ABCC4: variants seen among roughly 807,000 people sequenced by gnomAD.
ABCC4 encodes ATP binding cassette subfamily C member 4 (PEL blood group), also known as ATP-binding cassette sub-family C member 4.
ABCC4 carries 102 observed loss-of-function variants against 168.5 expected under a neutral mutation model. The ratio of observed to expected loss-of-function variants is 0.61; its 90% CI spans 0.52 to 0.71. The LOEUF is 0.71. ABCC4 is among the 30% of genes least tolerant of loss of function. ABCC4 has a pLI of 0.00. For synonymous variants in ABCC4, 617 were observed against 590.7 expected, an observed-to-expected ratio of 1.04 and a Z score of -0.65; for missense variants, 1,402 against 1,605.8, an observed-to-expected ratio of 0.87 and a Z score of 2.17.
intron 30 of ABCC4, 136 bp downstream of exon 30, chr13:95,034,469 C>T: frequency 1.6e-6 from 2 of 1,289,778 alleles, no homozygotes; most frequent in South Asian, 1.6e-5. Flanking sequence ...CGTTAAGACC[C>T]ACTCATGAAG....
chr13:95,114,110 C>T (rs2035292257), intron 20 of ABCC4, among the ~76,000 whole-genome samples: 1 of 152,116 alleles, frequency 6.6e-6, no homozygotes, highest in Non-Finnish European at 1.5e-5. Flanking sequence ...AAGAAATCAG[C>T]TAATTGGGGC....
At chr13:95,158,464 A>T (rs940106810) in intron 19 of ABCC4, among the ~76,000 whole-genome samples, 2 of 152,134 alleles carry the variant, frequency 1.3e-5, no homozygotes, top group Non-Finnish European at 2.9e-5. Flanking sequence ...GCCAGTCACC[A>T]TCCCAAGGTG....
chr13:95,114,281 C>T (rs577952238), intron 20 of ABCC4, among the ~76,000 whole-genome samples: 2 of 152,208 alleles, frequency 1.3e-5, no homozygotes, highest in Non-Finnish European at 2.9e-5. Context: ...ATCCATCCCT[C>T]TCCCTCCATA....
chr13:95,166,209 A>G lies in ABCC4; in HGVS notation c.1983T>C (p.Ser661=). The G allele has an allele frequency of 1.2e-6, 2 of 1,614,164 alleles. No homozygotes were observed. Among genetic ancestry groups the G allele is most frequent in the Non-Finnish European group, 1.7e-6 (2 of 1,180,026 alleles). ...NRTFSESSVW[S]QQSSRPSLKD... ...TCAAGGAGGGTCTAGAAGATTGTTG[A>G]GACCAAACCGAAGACTCTGAGAAGG... The change falls in exon 15 of 31, where the codon TCT becomes TCC. Residue 661 remains serine, a synonymous_variant. Transcript: ENST00000645237.
chr13:95,158,422 G>C (rs2036951222), intron 19 of ABCC4, among the ~76,000 whole-genome samples: 1 of 152,164 alleles, frequency 6.6e-6, no homozygotes, highest in Admixed American at 6.5e-5. Flanking sequence ...CGTCTAGCCA[G>C]ACCCCCGGTG....
Position 95,252,484 on chromosome 13 carries a change from T to C in ABCC4, c.75-4731A>G, listed in dbSNP as rs1258173587. On this transcript the variant is annotated intron_variant, in intron 1 of 30. Coordinates refer to ENST00000645237, the MANE Select transcript of ABCC4 (RefSeq NM_005845.5). ...TGAGGTCAGCAGTTCAAAACCAGAC[T>C]GGCCAGCATGGTGAAAACCCATCTC... 5.3e-5 allele frequency among the ~76,000 whole-genome samples: 8 copies of C among 152,116 alleles called. No homozygotes were observed. In the South Asian group the frequency reaches 1.0e-3, roughly 20 times the overall value.
At chr13:95,079,911 G>A (rs539362974) in intron 21 of ABCC4, among the ~76,000 whole-genome samples, 3 of 152,282 alleles carry the variant, frequency 2.0e-5, no homozygotes, top group Non-Finnish European at 4.4e-5. Context: ...TGGTAGACTT[G>A]GGCATGGACT....
intron 30 of ABCC4, 82 bp downstream of exon 30, chr13:95,034,523 T>C: frequency 6.6e-7 from 1 of 1,521,068 alleles, no homozygotes. Flanking sequence ...ACACAGTGCT[T>C]GTTACCATAC....
intron 3 of ABCC4, among the ~76,000 whole-genome samples, chr13:95,238,428 T>C (rs1291710067): frequency 6.6e-6 from 1 of 152,044 alleles, no homozygotes; most frequent in Non-Finnish European, 1.5e-5. Flanking sequence ...TTAGGGCCAA[T>C]TGATCAGGGT....
intron 1 of ABCC4, among the ~76,000 whole-genome samples, chr13:95,276,506 CA>C (rs58632827): frequency 0.011 from 1,359 of 127,872 alleles, 20 homozygotes; most frequent in African/African-American, 0.036. Context: ...GACCCTGCCT[CA>C]AAAAAAAAAA....
At chr13:95,169,468 C>A (rs1566486342) in intron 14 of ABCC4, among the ~76,000 whole-genome samples, 1 of 152,118 alleles carries the variant, frequency 6.6e-6, no homozygotes, top group Non-Finnish European at 1.5e-5. Context: ...CCACCTTTCT[C>A]CAGGCTCTCC....
At chr13:95,164,061 AGAAAG>A in intron 16 of ABCC4, among the ~76,000 whole-genome samples, 3 of 129,866 alleles carry the variant, frequency 2.3e-5, no homozygotes, top group African/African-American at 7.7e-5. Flanking sequence ...AAAAAAAGAA[AGAAAG>A]AAAGAAAGAA....
intron 4 of ABCC4, among the ~76,000 whole-genome samples, chr13:95,232,444 C>G (rs968499490): frequency 6.6e-6 from 1 of 152,050 alleles, no homozygotes; most frequent in African/African-American, 2.4e-5. Context: ...TTTGGGAGGC[C>G]GAGACGGGCA....
intron 13 of ABCC4, among the ~76,000 whole-genome samples, chr13:95,175,424 T>C (rs776711740): frequency 1.6e-4 from 24 of 152,284 alleles, no homozygotes; most frequent in Non-Finnish European, 1.3e-4. Flanking sequence ...GCAATTCTCC[T>C]GCCTCAGCCT....
intron 1 of ABCC4, among the ~76,000 whole-genome samples, chr13:95,298,403 C>G (rs1275046768): frequency 6.6e-6 from 1 of 152,180 alleles, no homozygotes; most frequent in Non-Finnish European, 1.5e-5. Flanking sequence ...GTAAGCGCCT[C>G]AAATCAGGAT....
At position 95,240,674 on chromosome 13, in the gene ABCC4, A is replaced by C. The variant is rs142490353; in HGVS notation, c.307-5840T>G. Among the ~76,000 whole-genome samples, 267 of 152,170 alleles carry C rather than the reference A, an allele frequency of 1.8e-3. 1 individual carries two copies. Among genetic ancestry groups the C allele is most frequent in the Non-Finnish European group, 2.8e-3 (193 of 68,018 alleles). ...GTAGAGAGAGGCTTAGTATTCTATT[A>C]TATTTTATATTTTTGAAATGATCTT... On this transcript the variant is annotated intron_variant, in intron 3 of 30. Coordinates refer to ENST00000645237, the MANE Select transcript of ABCC4 (RefSeq NM_005845.5).
intron 20 of ABCC4, among the ~76,000 whole-genome samples, chr13:95,089,990 G>A (rs1162329781): frequency 2.0e-5 from 3 of 152,178 alleles, no homozygotes; most frequent in Admixed American, 1.3e-4. Context: ...AGGCTTGCAT[G>A]TGAACTTTAG....
At chr13:95,242,601 A>C (rs1040173126) in intron 3 of ABCC4, among the ~76,000 whole-genome samples, 2 of 152,132 alleles carry the variant, frequency 1.3e-5, no homozygotes, top group African/African-American at 4.8e-5. Context: ...TAGCTCACTA[A>C]AGCTGGGAAC....
intron 4 of ABCC4, among the ~76,000 whole-genome samples, chr13:95,212,496 C>T (rs1163732448): frequency 6.6e-6 from 1 of 152,194 alleles, no homozygotes; most frequent in East Asian, 1.9e-4. Context: ...TGACCCTTTT[C>T]AAGAAATCTG....
Sources: allele counts gnomAD v4.1 joint callset (sites outside exome capture counted in the v4.1 genomes callset), GRCh38; gene constraint gnomAD v4.1.1; transcripts MANE v1.5; gene names NCBI Gene and HGNC (gene_info 2026-07-23, HGNC 2026-07-21).